The following MAPT variants were observed in gnomAD, a reference collection of about 807,000 sequenced individuals.
MAPT encodes the protein microtubule associated protein tau.
MAPT carries 34 observed loss-of-function variants against 67.9 expected under a neutral mutation model. The ratio of observed to expected loss-of-function variants is 0.50; its 90% confidence interval spans 0.38 to 0.67. The LOEUF (loss-of-function observed/expected upper bound fraction) is 0.67, where lower values mean the gene tolerates loss of function less well. Ranked by LOEUF, MAPT falls within the 30% of genes least tolerant of loss-of-function variation. The probability of loss-of-function intolerance (pLI) is 0.00; values close to 1 mark genes in which losing one functional copy is unlikely to be tolerated. For missense variants in MAPT, 881 were observed against 1,115.2 expected (o/e 0.79, Z 2.99); for synonymous variants, 456 against 464.5 (o/e 0.98, Z 0.23).
chr17:45,989,892 C>G lies in MAPT; in HGVS notation c.1422C>G (p.Ser474=), dbSNP rs1353495435. ...TTATGTTTAAGACATCCACACGTTCCTCTGCTAAAACCTTGAAAAATAGGC... is the reference window on the plus strand; with the variant it reads ...TTATGTTTAAGACATCCACACGTTCGTCTGCTAAAACCTTGAAAAATAGGC... ...DDKKAKTSTR[S]SAKTLKNRPC... is the part of the protein sequence containing the mutation. The change falls in exon 7 of 13, where the codon TCC becomes TCG. Residue 474 remains serine, a synonymous_variant. Coordinates refer to ENST00000262410, the MANE Select transcript of MAPT (RefSeq NM_001377265.1). 1.2e-6 allele frequency: 2 copies of G among 1,613,950 alleles called. No homozygotes were observed. Among genetic ancestry groups the G allele is most frequent in the African/African-American group, 2.7e-5 (2 of 74,880 alleles).
chr17:45,996,239 C>T lies in MAPT; in HGVS notation c.1733-160C>T, dbSNP rs1346290079. Reference sequence around the variant, plus strand: ...AAAGGCAGGGAGGAAGAGATGCTTCCCCAGGGCAGCCGTCTGCTGTAGCTG... The same window carrying T: ...AAAGGCAGGGAGGAAGAGATGCTTCTCCAGGGCAGCCGTCTGCTGTAGCTG... On this transcript the variant is annotated intron_variant, in intron 8 of 12. Transcript: ENST00000262410. The surrounding 1 kb of genome is among the most constrained non-coding windows in gnomAD (Gnocchi z 4.5). Among the ~76,000 whole-genome samples the T allele has an allele frequency of 6.6e-6, 1 of 152,140 alleles. No homozygotes were observed. The highest frequency in any genetic ancestry group is 1.5e-5 in the Non-Finnish European group (1 of 68,018).
At chr17:45,939,834 G>T (rs1164031085) in intron 1 of MAPT, among the ~76,000 whole-genome samples, 1 of 152,152 alleles carries the variant, frequency 6.6e-6, no homozygotes, top group Admixed American at 6.5e-5. Flanking sequence ...ACCTGCACTG[G>T]CTGGGGGGCT....
At chr17:46,017,523 G>C (rs1018796772) in intron 11 of MAPT, among the ~76,000 whole-genome samples, 9 of 135,974 alleles carry the variant, frequency 6.6e-5, no homozygotes, top group African/African-American at 2.6e-4. Flanking sequence ...GCACAATCTC[G>C]GCTCACTGCA....
rs1317176100 is a variant in MAPT at position 45,971,860 on chromosome 17, A to T, written c.135A>T (p.Glu45Asp). Reference protein sequence around the residue: ...QEGDTDAGLKESPLQTPTEDG... With the variant: ...QEGDTDAGLKDSPLQTPTEDG... ...GAGGGCTCACTGTATGTGTTCCAGA[A>T]TCTCCCCTGCAGACCCCCACTGAGG... The change falls in exon 3 of 13, where the codon GAA becomes GAT. Residue 45 changes from glutamate (E) to aspartate (D), a missense_variant and splice_region_variant. Coordinates refer to ENST00000262410, the MANE Select transcript of MAPT (RefSeq NM_001377265.1). The surrounding 1 kb of genome is among the most constrained non-coding windows in gnomAD (Gnocchi z 4.3). 1 of 1,612,228 alleles carries T rather than the reference A, an allele frequency of 6.2e-7. No homozygotes were observed. Among genetic ancestry groups the T allele is most frequent in the South Asian group, 1.1e-5 (1 of 91,038 alleles).
At chr17:45,938,229 AG>A (rs1174858331) in intron 1 of MAPT, among the ~76,000 whole-genome samples, 4 of 152,224 alleles carry the variant, frequency 2.6e-5, no homozygotes, top group Non-Finnish European at 5.9e-5. Context: ...GGTTTTGGCA[AG>A]GTTGCGGTCC....
chr17:45,982,979 C>G lies in MAPT; in HGVS notation c.400C>G (p.Pro134Ala), dbSNP rs1226249135. ...PCGEASGVSG[P>A]CLGEKEPEAP... ...CGGAGAGGCCTCTGGGGTCTCTGGGCCGTGCCTCGGGGAGAAAGAGCCAGA... is the reference window on the plus strand; with the variant it reads ...CGGAGAGGCCTCTGGGGTCTCTGGGGCGTGCCTCGGGGAGAAAGAGCCAGA... The change falls in exon 5 of 13, where the codon CCG (proline) becomes GCG (alanine). Residue 134 changes from proline (P) to alanine (A), a missense_variant. Pro to Ala is a conservative substitution (Grantham distance 27, BLOSUM62 -1). Coordinates refer to ENST00000262410, the MANE Select transcript of MAPT (RefSeq NM_001377265.1). 1 of 1,437,996 alleles carries G rather than the reference C, an allele frequency of 7.0e-7. No individual in the cohort carries two copies. Among genetic ancestry groups the G allele is most frequent in the African/African-American group, 1.4e-5 (1 of 69,808 alleles). 89.1% of individuals were successfully genotyped at this position (1,437,996 alleles called of 1,614,324 possible).
chr17:45,954,105 T>G (rs138149996), intron 1 of MAPT, among the ~76,000 whole-genome samples: 83 of 152,334 alleles, frequency 5.4e-4, no homozygotes, highest in African/African-American at 2.0e-3. Context: ...TAAGAATGAT[T>G]TTCACATTTT....
chr17:45,977,709 C>T (rs373836528), intron 3 of MAPT: 2 of 152,192 alleles, frequency 1.3e-5, no homozygotes, highest in Non-Finnish European at 2.9e-5. Context: ...CTCCCTCTTA[C>T]CAAGTAGCAC....
At chr17:45,976,000 C>A (rs2072300568) in intron 3 of MAPT, 1 of 152,312 alleles carries the variant, frequency 6.6e-6, no homozygotes, top group Admixed American at 6.5e-5. Flanking sequence ...TTCTGCTGCG[C>A]TGGATTCTGG....
chr17:45,981,222 AG>A (rs562156766), intron 4 of MAPT, among the ~76,000 whole-genome samples: 53 of 152,264 alleles, frequency 3.5e-4, no homozygotes, highest in African/African-American at 1.2e-3. Context: ...TGAATCCTTC[AG>A]GGCTGCAGGT....
chr17:46,024,234 A>AT lies in MAPT; in HGVS notation c.*63_*64insT. The AT allele has an allele frequency of 6.8e-7, 1 of 1,474,414 alleles. No homozygotes were observed. 91.3% of individuals were successfully genotyped at this position (1,474,414 alleles called of 1,614,324 possible). A position where few individuals can be genotyped will look rare whatever the true frequency, so the allele number is the denominator to read the frequency against. ...AGAATGAGAGAGTGTGGAAAAAAAA[A>AT]GAATAATGACCCGGCCCCCGCCCTC... On this transcript the variant is annotated 3_prime_UTR_variant, in exon 13 of 13. Coordinates refer to ENST00000262410, the MANE Select transcript of MAPT (RefSeq NM_001377265.1).
chr17:45,993,189 G>A (rs774198011), intron 8 of MAPT, among the ~76,000 whole-genome samples: 9 of 152,212 alleles, frequency 5.9e-5, no homozygotes, highest in East Asian at 1.9e-4. Flanking sequence ...GTGTCTTTGC[G>A]GTGGCATTTC....
rs572186896 is a variant in MAPT at position 46,015,652 on chromosome 17, C to T, written c.2173+1328C>T. Among the ~76,000 whole-genome samples, 11 of 152,248 alleles carry T rather than the reference C, an allele frequency of 7.2e-5. 1 individual carries two copies. In the South Asian group the frequency reaches 1.0e-3, roughly 14 times the overall value. ...CCAGCCTGGGCGAGAGAGTGAGACT[C>T]CGTCTCAAAACAAAAACAAAAACAA... On this transcript the variant is annotated intron_variant, in intron 11 of 12. Coordinates refer to ENST00000262410, the MANE Select transcript of MAPT (RefSeq NM_001377265.1).
At chr17:45,941,143 C>A in intron 1 of MAPT, among the ~76,000 whole-genome samples, 1 of 152,176 alleles carries the variant, frequency 6.6e-6, no homozygotes, top group East Asian at 1.9e-4. Context: ...AGCTGGGAGG[C>A]CACAACTCCT....
At chr17:45,934,711 C>T (rs756477933) in intron 1 of MAPT, among the ~76,000 whole-genome samples, 2 of 152,170 alleles carry the variant, frequency 1.3e-5, no homozygotes, top group Non-Finnish European at 2.9e-5. Context: ...GGTGGTGCAG[C>T]GGATAGAACT....
intron 1 of MAPT, among the ~76,000 whole-genome samples, chr17:45,945,586 G>T (rs996179804): frequency 6.6e-6 from 1 of 152,196 alleles, no homozygotes; most frequent in African/African-American, 2.4e-5. Context: ...GCCAAGGCAG[G>T]CGGATCACTT....
intron 1 of MAPT, among the ~76,000 whole-genome samples, chr17:45,959,419 A>G (rs568671840): frequency 6.6e-6 from 1 of 152,320 alleles, no homozygotes; most frequent in Non-Finnish European, 1.5e-5. Flanking sequence ...ACCCACTTGC[A>G]CTGCATCTGA....
At position 45,971,623 on chromosome 17, in the gene MAPT, C is replaced by A. The variant is rs2071680814; in HGVS notation, c.134-236C>A. Among the ~76,000 whole-genome samples the A allele has an allele frequency of 6.6e-6, 1 of 152,218 alleles. No homozygotes were observed. The highest frequency in any genetic ancestry group is 1.5e-5 in the Non-Finnish European group (1 of 68,044). ...GGCACTTTGTCCTTTCACCCAGGAG[C>A]AAACGCACATCACCTGTGTCCTCAT... On this transcript the variant is annotated intron_variant, in intron 2 of 12. Transcript: ENST00000262410. The surrounding 1 kb of genome is among the most constrained non-coding windows in gnomAD (Gnocchi z 4.3).
At chr17:46,012,801 G>C (rs2075907574) in intron 10 of MAPT, among the ~76,000 whole-genome samples, 1 of 149,764 alleles carries the variant, frequency 6.7e-6, no homozygotes, top group Admixed American at 6.7e-5. Flanking sequence ...AGAGGGAAGA[G>C]GGAAGGAGGC....
Sources: gnomAD v4.1 joint callset for allele counts (sites outside exome capture counted in the v4.1 genomes callset) on GRCh38, gnomAD v4.1.1 for gene constraint, Gnocchi (gnomAD v3.1) non-coding constraint, MANE v1.5 for transcripts, NCBI Gene and HGNC (gene_info 2026-07-23, HGNC 2026-07-21) for gene names.